Variants in COG5 observed in about 807,000 individuals in gnomAD.
The protein encoded by COG5 is component of oligomeric golgi complex 5.
COG5 carries 86 observed loss-of-function variants against 110.4 expected under a neutral mutation model. That is an observed-to-expected ratio of 0.78 (90% CI 0.65 to 0.93). COG5 has a LOEUF of 0.93. Among genes scored for constraint, COG5 ranks in the 40% least tolerant of loss-of-function variants. COG5 has a pLI of 0.00. For synonymous variants in COG5, 360 were observed against 334.6 expected (o/e 1.08, Z -0.83); for missense variants, 1,077 against 987.0 (o/e 1.09, Z -1.22).
At chr7:107,530,730 T>TGCA (rs1178085269) in intron 5 of COG5, among the ~76,000 whole-genome samples, 1 of 152,178 alleles carries the variant, frequency 6.6e-6, no homozygotes, top group East Asian at 1.9e-4. Context: ...AAATCCTTAG[T>TGCA]TAATAAGTCT....
In COG5 at chr7:107,395,541, CTTTTTTTTTTTTTT is replaced by C. The variant is rs67581814; in HGVS notation, c.669+16947_669+16960del. ...AAATCGTCTTTACCATGAAGCAGAT[CTTTTTTTTTTTTTT>C]TTTTTTTTTTTTTTTTGAGAAGGAA... On this transcript the variant is annotated intron_variant, in intron 7 of 21. Transcript: ENST00000297135. 1.9e-3 allele frequency among the ~76,000 whole-genome samples: 93 copies of C among 50,046 alleles called. 1 individual carries two copies. The Middle Eastern group carries it at 0.048, about 26-fold the overall frequency. The allele number at this position is 50,046 out of a possible 152,430, so 32.8% of individuals were successfully genotyped here.
intron 11 of COG5, among the ~76,000 whole-genome samples, chr7:107,311,370 A>ATTTT (rs71134260): frequency 0.019 from 1,134 of 58,940 alleles, 232 homozygotes; most frequent in Non-Finnish European, 0.028. Flanking sequence ...GCGTATTTAC[A>ATTTT]TTTTTTTTTT....
At chr7:107,270,316 G>A (rs1038496059) in intron 14 of COG5, among the ~76,000 whole-genome samples, 5 of 149,210 alleles carry the variant, frequency 3.4e-5, no homozygotes, top group African/African-American at 1.2e-4. Context: ...CTGGAGTGCA[G>A]TGGCCATGAT....
At chr7:107,452,543 G>A (rs1433845080) in intron 6 of COG5, among the ~76,000 whole-genome samples, 1 of 152,082 alleles carries the variant, frequency 6.6e-6, no homozygotes, top group Non-Finnish European at 1.5e-5. Flanking sequence ...AGATCTGATG[G>A]TTTTGAAAAT....
chr7:107,303,938 CTTG>C (rs756548178), intron 11 of COG5, among the ~76,000 whole-genome samples: 25 of 152,140 alleles, frequency 1.6e-4, no homozygotes, highest in East Asian at 1.2e-3. Context: ...CTTGTGCAAA[CTTG>C]TTTTTTTTAA....
chr7:107,399,588 C>T (rs1791276125), intron 7 of COG5, among the ~76,000 whole-genome samples: 3 of 152,156 alleles, frequency 2.0e-5, no homozygotes, highest in Admixed American at 2.0e-4. Context: ...GAGGCCTCCC[C>T]AGTTCTGCGG....
Position 107,323,761 on chromosome 7 carries a change from G to T in COG5, c.1108+679C>A, listed in dbSNP as rs1317983308. Among the ~76,000 whole-genome samples the T allele has an allele frequency of 2.0e-5, 3 of 152,096 alleles. No individual in the cohort carries two copies. In the East Asian group the frequency reaches 5.8e-4, roughly 29 times the overall value. ...CTAAATAATATTTAGCATACAGTAAGTCCTTCTAGTAAATGCTTGTGAATA... is the reference window on the plus strand; with the variant it reads ...CTAAATAATATTTAGCATACAGTAATTCCTTCTAGTAAATGCTTGTGAATA... On this transcript the variant is annotated intron_variant, in intron 11 of 21. Coordinates refer to ENST00000297135, the MANE Select transcript of COG5 (RefSeq NM_006348.5).
chr7:107,390,849 G>A (rs1790572518), intron 7 of COG5, among the ~76,000 whole-genome samples: 1 of 151,184 alleles, frequency 6.6e-6, no homozygotes, highest in Non-Finnish European at 1.5e-5. Flanking sequence ...TACAGAAAAG[G>A]GGGAGATGTA....
At chr7:107,468,160 G>A (rs781071114) in intron 6 of COG5, among the ~76,000 whole-genome samples, 2 of 152,164 alleles carry the variant, frequency 1.3e-5, no homozygotes, top group East Asian at 1.9e-4. Context: ...AAGGCCAACC[G>A]CCTAGTACAG....
chr7:107,265,938 C>T (rs968251575), intron 14 of COG5, among the ~76,000 whole-genome samples: 8 of 151,912 alleles, frequency 5.3e-5, no homozygotes, highest in Admixed American at 1.3e-4. Flanking sequence ...GCCTATGGTC[C>T]CAGGTCCTCA....
intron 6 of COG5, among the ~76,000 whole-genome samples, chr7:107,518,025 C>T (rs902881130): frequency 1.3e-5 from 2 of 152,144 alleles, no homozygotes; most frequent in Admixed American, 1.3e-4. Flanking sequence ...GAATTTTCAA[C>T]CCAGAATTTC....
At chr7:107,271,614 G>C (rs1299400677) in intron 14 of COG5, among the ~76,000 whole-genome samples, 1 of 151,964 alleles carries the variant, frequency 6.6e-6, no homozygotes, top group Non-Finnish European at 1.5e-5. Context: ...TTTGTAGCTG[G>C]TAGATAGAAA....
intron 6 of COG5, among the ~76,000 whole-genome samples, chr7:107,512,588 A>G (rs1255088820): frequency 6.6e-6 from 1 of 152,240 alleles, no homozygotes; most frequent in African/African-American, 2.4e-5. Flanking sequence ...CACATTGCCA[A>G]GTCAATCCTA....
intron 10 of COG5, among the ~76,000 whole-genome samples, chr7:107,334,988 T>C (rs974083462): frequency 2.0e-5 from 3 of 152,200 alleles, no homozygotes; most frequent in African/African-American, 4.8e-5. Flanking sequence ...TATTTAAAGA[T>C]TGACATGTTT....
At chr7:107,222,037 G>A (rs905584296) in intron 19 of COG5, among the ~76,000 whole-genome samples, 3 of 152,236 alleles carry the variant, frequency 2.0e-5, no homozygotes, top group Middle Eastern at 3.4e-3. Context: ...GGACAAGGAC[G>A]GAGACAGACG....
intron 6 of COG5, among the ~76,000 whole-genome samples, chr7:107,420,955 G>A (rs1344252806): frequency 1.3e-5 from 2 of 152,004 alleles, no homozygotes; most frequent in Admixed American, 6.5e-5. Context: ...TCTTTTTTGT[G>A]TCTCTCACAA....
chr7:107,541,523 A>AAAAAAAAAAAAAAAAAAATAT (rs60423657), intron 5 of COG5, among the ~76,000 whole-genome samples: 1 of 57,028 alleles, frequency 1.8e-5, no homozygotes, highest in Non-Finnish European at 3.3e-5. Flanking sequence ...AAAAAAAAAA[A>AAAAAAAAAAAAAAAAAAATAT]ATATATATAT....
At chr7:107,258,822 G>A (rs1195466584) in intron 14 of COG5, among the ~76,000 whole-genome samples, 1 of 152,022 alleles carries the variant, frequency 6.6e-6, no homozygotes, top group East Asian at 1.9e-4. Flanking sequence ...GAGGAGGAAA[G>A]GAGAGAAGAG....
At chr7:107,243,190 A>C (rs558626946) in intron 17 of COG5, among the ~76,000 whole-genome samples, 1 of 152,306 alleles carries the variant, frequency 6.6e-6, no homozygotes, top group South Asian at 2.1e-4. Flanking sequence ...AGGAACACCC[A>C]GATTCCTAAA....
Sources: allele counts gnomAD v4.1 joint callset (sites outside exome capture counted in the v4.1 genomes callset), GRCh38; gene constraint gnomAD v4.1.1; transcripts MANE v1.5; gene names NCBI Gene and HGNC (gene_info 2026-07-23, HGNC 2026-07-21).